Variants in CAMK2D observed in about 807,000 individuals in gnomAD.
CAMK2D encodes calcium/calmodulin dependent protein kinase II delta.
In CAMK2D, 37 loss-of-function variants were observed where a neutral mutation model predicts 84.0. That is an observed-to-expected ratio of 0.44 (90% CI 0.34 to 0.58). The LOEUF is 0.58. Among genes scored for constraint, CAMK2D ranks in the 20% least tolerant of loss-of-function variants. The probability of loss-of-function intolerance (pLI) is 0.02; values close to 1 mark genes in which losing one functional copy is unlikely to be tolerated. For synonymous variants in CAMK2D, 202 were observed against 212.5 expected, an observed-to-expected ratio of 0.95 and a Z score of 0.43; for missense variants, 448 against 652.5, an observed-to-expected ratio of 0.69 and a Z score of 3.41.
At chr4:113,512,719 C>T (rs769939209) in intron 12 of CAMK2D, among the ~76,000 whole-genome samples, 1 of 152,092 alleles carries the variant, frequency 6.6e-6, no homozygotes, top group Non-Finnish European at 1.5e-5. Flanking sequence ...ACAACAGGCA[C>T]GCGCCACCAC....
intron 4 of CAMK2D, among the ~76,000 whole-genome samples, chr4:113,601,903 C>T (rs2098954880): frequency 1.3e-5 from 2 of 151,554 alleles, no homozygotes; most frequent in African/African-American, 4.8e-5. Flanking sequence ...TGCTATGTTG[C>T]CCAGGCTGGT....
At chr4:113,688,776 C>T (rs1561844573) in intron 2 of CAMK2D, among the ~76,000 whole-genome samples, 1 of 152,046 alleles carries the variant, frequency 6.6e-6, no homozygotes, top group Non-Finnish European at 1.5e-5. Flanking sequence ...ACGAGGCCAC[C>T]TCATTATTGC....
At chr4:113,644,550 C>T (rs2099144087) in intron 3 of CAMK2D, among the ~76,000 whole-genome samples, 1 of 152,062 alleles carries the variant, frequency 6.6e-6, no homozygotes. Flanking sequence ...GGCAAGAAAT[C>T]TAGTCAATGG....
intron 8 of CAMK2D, among the ~76,000 whole-genome samples, chr4:113,518,367 A>G (rs1302784135): frequency 6.6e-6 from 1 of 152,222 alleles, no homozygotes; most frequent in Non-Finnish European, 1.5e-5. Flanking sequence ...ATTTTTCACA[A>G]ACATAATTAT....
chr4:113,531,300 C>G lies in CAMK2D; in HGVS notation c.518-1G>C, dbSNP rs2098456365. On this transcript the variant is annotated splice_acceptor_variant, in intron 7 of 20. Transcript: ENST00000511664. LOFTEE classifies it high-confidence loss of function. ...AGATATCCAGGTGTGCCAGCAAAAC[C>G]TAGGGAAAAGAGATGTTAATGAGTC... 6.4e-7 allele frequency: 1 copy of G among 1,553,286 alleles called. No homozygotes were observed. The highest frequency in any genetic ancestry group is 8.9e-7 in the Non-Finnish European group (1 of 1,125,096).
Position 113,761,596 on chromosome 4 carries a change from C to T in CAMK2D, c.-528G>A. The stretch of plus-strand genomic sequence containing the variant: ...GCTGTCAGCAGGCTCAGGCGCGGGG[C>T]GCGCCGGGGCTCCGACGAGCGTGCG... On this transcript the variant is annotated 5_prime_UTR_variant, in exon 1 of 21. Transcript: ENST00000511664. The T allele has an allele frequency of 7.1e-6, 7 of 985,130 alleles. No homozygotes were observed. The highest frequency in any genetic ancestry group is 8.4e-6 in the Non-Finnish European group (7 of 829,828). The allele number at this position is 985,130 out of a possible 1,614,324, so 61.0% of individuals were successfully genotyped here.
chr4:113,471,771 A>G (rs1430002367), intron 16 of CAMK2D, among the ~76,000 whole-genome samples: 3 of 152,000 alleles, frequency 2.0e-5, no homozygotes. Context: ...ATCACTCTAT[A>G]GAACAGAGCT....
chr4:113,760,858 CT>C (rs374874124), intron 1 of CAMK2D, 145 bp downstream of exon 1: 3 of 957,492 alleles, frequency 3.1e-6, no homozygotes. Flanking sequence ...AAGACAGCAC[CT>C]TCCCCAGAGC....
chr4:113,539,941 G>C (rs532141633), intron 6 of CAMK2D, among the ~76,000 whole-genome samples: 1 of 152,094 alleles, frequency 6.6e-6, no homozygotes, highest in Non-Finnish European at 1.5e-5. Context: ...GAGTTTAAGG[G>C]ATTATTCACT....
rs117995569 is a variant in CAMK2D at position 113,704,716 on chromosome 4, C to T, written c.161-42944G>A. On this transcript the variant is annotated intron_variant, in intron 2 of 20. Transcript: ENST00000511664. Reference sequence around the variant, plus strand: ...TTCTCATACACACTATAAAGCCCACCGTGAATCCACAAAAGTTTATTTACT... The same window carrying T: ...TTCTCATACACACTATAAAGCCCACTGTGAATCCACAAAAGTTTATTTACT... 1.5e-3 allele frequency among the ~76,000 whole-genome samples: 227 copies of T among 152,070 alleles called. 6 individuals carry two copies. The East Asian group carries it at 0.042, about 28-fold the overall frequency.
rs117756003 is a variant in CAMK2D, at chr4:113,550,002, T to C, written c.341+2029A>G. ...TTCACTTTGCACTACTCTTTAAGAATATTTCTCTTCCTGTTCTCAAACAAC... is the reference window on the plus strand; with the variant it reads ...TTCACTTTGCACTACTCTTTAAGAACATTTCTCTTCCTGTTCTCAAACAAC... On this transcript the variant is annotated intron_variant, in intron 5 of 20. Transcript: ENST00000511664. Among the ~76,000 whole-genome samples, 1,145 of 152,314 alleles carry C rather than the reference T, an allele frequency of 7.5e-3. 25 individuals carry two copies. The East Asian group carries it at 0.11, about 14-fold the overall frequency.
At chr4:113,503,667 A>T (rs935987174) in intron 14 of CAMK2D, among the ~76,000 whole-genome samples, 1 of 152,218 alleles carries the variant, frequency 6.6e-6, no homozygotes, top group South Asian at 2.1e-4. Flanking sequence ...ATTCATATCT[A>T]AAAAACTTCT....
intron 4 of CAMK2D, among the ~76,000 whole-genome samples, chr4:113,561,352 T>A (rs2098697882): frequency 6.6e-6 from 1 of 152,218 alleles, no homozygotes. Flanking sequence ...GGCATGCCTG[T>A]AATCTCAGCT....
chr4:113,675,124 CT>C (rs2099313042), intron 2 of CAMK2D, among the ~76,000 whole-genome samples: 3 of 152,308 alleles, frequency 2.0e-5, no homozygotes, highest in East Asian at 3.9e-4. Context: ...GACTTTTCCC[CT>C]ACCCTTGTTT....
At chr4:113,739,918 T>A (rs2099589017) in intron 2 of CAMK2D, among the ~76,000 whole-genome samples, 1 of 152,132 alleles carries the variant, frequency 6.6e-6, no homozygotes, top group Admixed American at 6.5e-5. Context: ...TAGTACCCAA[T>A]AAGCAGTTTT....
intron 3 of CAMK2D, among the ~76,000 whole-genome samples, chr4:113,634,755 A>G (rs1411583655): frequency 1.3e-5 from 2 of 152,228 alleles, no homozygotes; most frequent in Admixed American, 1.3e-4. Flanking sequence ...GAGAATCAAA[A>G]GTAAATAAAC....
At chr4:113,707,103 A>G (rs1354942150) in intron 2 of CAMK2D, among the ~76,000 whole-genome samples, 2 of 152,160 alleles carry the variant, frequency 1.3e-5, no homozygotes, top group African/African-American at 4.8e-5. Flanking sequence ...GTGAAATATG[A>G]TAGCGAGCCA....
intron 2 of CAMK2D, among the ~76,000 whole-genome samples, chr4:113,701,704 G>T (rs550416329): frequency 1.3e-5 from 2 of 152,122 alleles, no homozygotes; most frequent in African/African-American, 4.8e-5. Flanking sequence ...GTTTTATGTT[G>T]TTGTTGTTGT....
chr4:113,753,073 G>A (rs1418604953), intron 2 of CAMK2D, among the ~76,000 whole-genome samples: 1 of 152,016 alleles, frequency 6.6e-6, no homozygotes. Context: ...AGAATTTACA[G>A]TCAGAGAAAA....
Sources: allele counts gnomAD v4.1 joint callset (sites outside exome capture counted in the v4.1 genomes callset), GRCh38; gene constraint gnomAD v4.1.1; transcripts MANE v1.5; gene names NCBI Gene and HGNC (gene_info 2026-07-23, HGNC 2026-07-21).